Variants in DHTKD1 observed in about 807,000 individuals in gnomAD.
The protein encoded by DHTKD1 is dehydrogenase E1 and transketolase domain containing 1.
Under a neutral mutation model 101.8 loss-of-function variants are expected in DHTKD1, and 78 were observed. The ratio of observed to expected loss-of-function variants is 0.77; its 90% CI spans 0.64 to 0.93. The LOEUF (loss-of-function observed/expected upper bound fraction) is 0.93. Ranked by LOEUF, DHTKD1 falls within the 40% of genes least tolerant of loss-of-function variation. DHTKD1 has a pLI of 0.00. For missense variants in DHTKD1, 1,223 were observed against 1,161.7 expected (o/e 1.05, Z -0.77); for synonymous variants, 462 against 450.3 (o/e 1.03, Z -0.33).
chr10:12,095,996 G>A (rs569731488), intron 7 of DHTKD1, among the ~76,000 whole-genome samples: 9 of 152,024 alleles, frequency 5.9e-5, no homozygotes, highest in African/African-American at 9.7e-5. Context: ...GCGACAGAGC[G>A]AGACTCGGTC....
rs1205141589 is a variant in DHTKD1, at chr10:12,107,806, G to A, written c.2048-103G>A. ...GTGCATGTAATGAAAGCAGTTTTGG[G>A]GGGCCAGGCAGAAAACTAACATTGA... On this transcript the variant is annotated intron_variant, in intron 11 of 16. Transcript: ENST00000263035. The surrounding 1 kb of genome is among the most constrained non-coding windows in gnomAD (Gnocchi z 4.1). 1.4e-5 allele frequency: 10 copies of A among 722,192 alleles called. No individual in the cohort carries two copies. Among genetic ancestry groups the A allele is most frequent in the Non-Finnish European group, 2.4e-5 (10 of 416,016 alleles). 44.7% of individuals were successfully genotyped at this position (722,192 alleles called of 1,614,324 possible). A position where few individuals can be genotyped will look rare whatever the true frequency, so the allele number is the denominator to read the frequency against.
At chr10:12,120,745 T>C in intron 16 of DHTKD1, 42 bp from the exon 17 acceptor site, 1 of 1,528,798 alleles carries the variant, frequency 6.5e-7, no homozygotes, top group Non-Finnish European at 9.1e-7. Context: ...AGCTCTGATC[T>C]AGTCAAAATG....
chr10:12,108,637 G>T (rs1331376668), intron 12 of DHTKD1, among the ~76,000 whole-genome samples: 4 of 152,136 alleles, frequency 2.6e-5, no homozygotes, highest in Non-Finnish European at 5.9e-5. Context: ...CATTTGGTGT[G>T]AATCATTACA....
chr10:12,090,615 T>C (rs1051588263), intron 5 of DHTKD1, among the ~76,000 whole-genome samples: 2 of 152,102 alleles, frequency 1.3e-5, no homozygotes, highest in African/African-American at 4.8e-5. Flanking sequence ...CCCAAGTAGC[T>C]GGGCCTACAG....
rs1251067452 is a variant in DHTKD1 at position 12,103,779 on chromosome 10, G to A, written c.1897-2467G>A. ...AATCCTCCTGCCTTGGCCTCCCAAA[G>A]TGCTGGGATTATAGATGTGAGCTGC... On this transcript the variant is annotated intron_variant, in intron 10 of 16. Transcript: ENST00000263035. This position sits in a 1 kb window ranked among gnomAD's most constrained non-coding sequence, Gnocchi z 4.8. Among the ~76,000 whole-genome samples, 2 of 152,150 alleles carry A rather than the reference G, an allele frequency of 1.3e-5. No individual in the cohort carries two copies. Among genetic ancestry groups the A allele is most frequent in the African/African-American group, 2.4e-5 (1 of 41,446 alleles).
chr10:12,090,983 G>T (rs959865473), intron 5 of DHTKD1, among the ~76,000 whole-genome samples: 2 of 152,140 alleles, frequency 1.3e-5, no homozygotes, highest in Non-Finnish European at 2.9e-5. Context: ...GAACCCCGGA[G>T]GCGGAGCTTG....
In DHTKD1 at chr10:12,098,216, A is replaced by C. The variant is rs564507338; in HGVS notation, c.1671+220A>C. On this transcript the variant is annotated intron_variant, in intron 8 of 16. Transcript: ENST00000263035. The stretch of plus-strand genomic sequence containing the variant: ...CCTCCATGTATTTATTTATTTATGC[A>C]TGTTCATACATTACATGTACCTGGA... 2.0e-5 allele frequency among the ~76,000 whole-genome samples: 3 copies of C among 152,274 alleles called. No homozygotes were observed. In the South Asian group the frequency reaches 6.2e-4, roughly 32 times the overall value.
intron 6 of DHTKD1, among the ~76,000 whole-genome samples, chr10:12,093,528 C>A (rs1247144683): frequency 6.6e-6 from 1 of 152,140 alleles, no homozygotes; most frequent in African/African-American, 2.4e-5. Context: ...ATTACCCATT[C>A]CCAGTTTCAC....
intron 2 of DHTKD1, among the ~76,000 whole-genome samples, chr10:12,083,463 GGT>G (rs1832853357): frequency 7.2e-5 from 11 of 152,286 alleles, no homozygotes; most frequent in Admixed American, 2.0e-4. Context: ...GGCCGGGTGT[GGT>G]GGCTTATGCC....
intron 2 of DHTKD1, among the ~76,000 whole-genome samples, chr10:12,083,743 CAT>C (rs1267786442): frequency 1.3e-5 from 2 of 152,062 alleles, no homozygotes; most frequent in Non-Finnish European, 2.9e-5. Context: ...CACACACACA[CAT>C]ACAAAAGAAA....
chr10:12,070,395 ACCTTGGAATGTT>A (rs1381093540), intron 1 of DHTKD1, among the ~76,000 whole-genome samples: 1 of 152,164 alleles, frequency 6.6e-6, no homozygotes, highest in East Asian at 1.9e-4. Context: ...TGGGCACCTG[ACCTTGGAATGTT>A]CCATCAATCA....
chr10:12,108,044 A>C, intron 12 of DHTKD1, 29 bp downstream of exon 12: 1 of 1,553,642 alleles, frequency 6.4e-7, no homozygotes, highest in Non-Finnish European at 8.9e-7. Flanking sequence ...GGAGTCAATG[A>C]ATCATTTTCC....
rs1833312702 is a variant in DHTKD1, at chr10:12,110,413, A to G, written c.2154+2398A>G. 6.6e-6 allele frequency among the ~76,000 whole-genome samples: 1 copy of G among 150,396 alleles called. No individual in the cohort carries two copies. Among genetic ancestry groups the G allele is most frequent in the African/African-American group, 2.4e-5 (1 of 41,298 alleles). On this transcript the variant is annotated intron_variant, in intron 12 of 16. Transcript: ENST00000263035. The surrounding 1 kb of genome is among the most constrained non-coding windows in gnomAD (Gnocchi z 4.9). ...TGTTAGTGTATTTTATGTGTGGCAC[A>G]AGACAATTCTTCTTCTTCCGGTGTG...
Position 12,115,984 on chromosome 10 carries a change from G to A in DHTKD1, c.2320-1689G>A, listed in dbSNP as rs144640206. The stretch of plus-strand genomic sequence containing the variant: ...TTTGCTCTGTCACCCAGGCTGGAGT[G>A]CAATGGCACAATATCAGCTCACTGC... On this transcript the variant is annotated intron_variant, in intron 13 of 16. Transcript: ENST00000263035. 4.3e-3 allele frequency among the ~76,000 whole-genome samples: 644 copies of A among 150,032 alleles called. 7 individuals are homozygous for A. The highest frequency in any genetic ancestry group is 0.012 in the African/African-American group (480 of 40,586).
chr10:12,075,095 A>T (rs540761683), intron 1 of DHTKD1, among the ~76,000 whole-genome samples: 1 of 152,190 alleles, frequency 6.6e-6, no homozygotes, highest in South Asian at 2.1e-4. Flanking sequence ...TGTGTGACAC[A>T]GCAAGACTTT....
intron 2 of DHTKD1, 54 bp from the exon 3 acceptor site, chr10:12,084,486 A>G (rs1832869992): frequency 8.6e-7 from 1 of 1,167,522 alleles, no homozygotes; most frequent in Non-Finnish European, 1.3e-6. Flanking sequence ...TCTCAACATC[A>G]TGTTAAGGAA....
chr10:12,112,074 G>A (rs1833341798), intron 12 of DHTKD1, among the ~76,000 whole-genome samples: 1 of 152,072 alleles, frequency 6.6e-6, no homozygotes. Flanking sequence ...CAGCACTTTG[G>A]GTGGCTGAGG....
At position 12,103,491 on chromosome 10, in the gene DHTKD1, CTGTGTGTGTGTGTG is replaced by C. The variant is rs55809304; in HGVS notation, c.1896+2334_1896+2347del. 6.9e-5 allele frequency among the ~76,000 whole-genome samples: 10 copies of C among 144,890 alleles called. No homozygotes were observed. The highest frequency in any genetic ancestry group is 1.1e-4 in the Non-Finnish European group (7 of 66,202). On this transcript the variant is annotated intron_variant, in intron 10 of 16. Transcript: ENST00000263035. This position sits in a 1 kb window ranked among gnomAD's most constrained non-coding sequence, Gnocchi z 4.8. Reference sequence around the variant, plus strand: ...CCCCAACTTCGTTGTACATCTCAATCTGTGTGTGTGTGTGTGTGTGTGTGTGTGTGTGTGTGTAT... The same window carrying C: ...CCCCAACTTCGTTGTACATCTCAATCTGTGTGTGTGTGTGTGTGTGTGTAT...
chr10:12,119,570 T>G lies in DHTKD1; in HGVS notation c.2573-612T>G, dbSNP rs548057306. On this transcript the variant is annotated intron_variant, in intron 15 of 16. Coordinates refer to ENST00000263035, the MANE Select transcript of DHTKD1 (RefSeq NM_018706.7). ...GGCGGAGCTTGCAGTGAGCCGAGAT[T>G]GCGCTACTGCACTCCAGCCTGGGCG... Among the ~76,000 whole-genome samples the G allele has an allele frequency of 6.5e-4, 93 of 142,808 alleles. 5 individuals are homozygous for G. Among genetic ancestry groups the G allele is most frequent in the Non-Finnish European group, 1.4e-4 (9 of 66,626 alleles). The allele number at this position is 142,808 out of a possible 152,430, so 93.7% of individuals were successfully genotyped here.
Sources: gnomAD v4.1 joint callset for allele counts (sites outside exome capture counted in the v4.1 genomes callset) on GRCh38, gnomAD v4.1.1 for gene constraint, Gnocchi (gnomAD v3.1) non-coding constraint, MANE v1.5 for transcripts, NCBI Gene and HGNC (gene_info 2026-07-23, HGNC 2026-07-21) for gene names.